The following ARL6 variants were observed in gnomAD, a reference collection of about 807,000 sequenced individuals.
ARL6 encodes the protein ARF like GTPase 6.
In ARL6, 18 loss-of-function variants were observed where a neutral mutation model predicts 27.1. That is an observed-to-expected ratio of 0.66 (90% CI 0.46 to 0.98). ARL6 has a LOEUF of 0.98. Ranked by LOEUF, ARL6 falls within the 50% of genes least tolerant of loss-of-function variation. The pLI is 0.00. For synonymous variants in ARL6, 65 were observed against 72.3 expected, an observed-to-expected ratio of 0.90 and a Z score of 0.51; for missense variants, 187 against 214.9, an observed-to-expected ratio of 0.87 and a Z score of 0.81.
chr3:97,765,211 G>GGGGT (rs373304649), intron 1 of ARL6, among the ~76,000 whole-genome samples: 392 of 105,606 alleles, frequency 3.7e-3, no homozygotes, highest in Middle Eastern at 0.015. Context: ...GTGTATTGGG[G>GGGGT]GTGTGTGTGT....
chr3:97,786,131 A>C (rs2037446689), intron 5 of ARL6, among the ~76,000 whole-genome samples: 2 of 152,086 alleles, frequency 1.3e-5, no homozygotes, highest in South Asian at 2.1e-4. Context: ...CGGGTGGATC[A>C]CTTGAGGTCA....
At chr3:97,784,077 G>A (rs1306806254) in intron 4 of ARL6, among the ~76,000 whole-genome samples, 3 of 151,806 alleles carry the variant, frequency 2.0e-5, no homozygotes, top group Admixed American at 6.6e-5. Context: ...TAAAAGAAAG[G>A]TATGTAGGAG....
chr3:97,794,723 G>T (rs1030787056), intron 7 of ARL6, among the ~76,000 whole-genome samples: 3 of 152,082 alleles, frequency 2.0e-5, no homozygotes, highest in Non-Finnish European at 4.4e-5. Context: ...CAGAATTCTG[G>T]AATTTCCTAG....
chr3:97,788,258 T>G (rs2037556277), intron 6 of ARL6, 139 bp downstream of exon 6: 1 of 962,372 alleles, frequency 1.0e-6, no homozygotes, highest in Non-Finnish European at 1.5e-6. Flanking sequence ...TTTGTAGAAT[T>G]GTGGCATTGT....
chr3:97,781,262 T>A (rs2037184376), intron 4 of ARL6, among the ~76,000 whole-genome samples: 1 of 150,172 alleles, frequency 6.7e-6, no homozygotes, highest in East Asian at 2.0e-4. Flanking sequence ...CATTGTTCTA[T>A]GAATAATTTG....
chr3:97,770,267 A>G (rs2036578140), intron 2 of ARL6, among the ~76,000 whole-genome samples: 1 of 152,024 alleles, frequency 6.6e-6, no homozygotes, highest in Non-Finnish European at 1.5e-5. Context: ...AGTTTGATAT[A>G]TATTTTCCTG....
At chr3:97,778,097 TAGC>T (rs2036997590) in intron 2 of ARL6, among the ~76,000 whole-genome samples, 1 of 152,124 alleles carries the variant, frequency 6.6e-6, no homozygotes, top group Non-Finnish European at 1.5e-5. Flanking sequence ...CTCATAGTAG[TAGC>T]TGATGATTTT....
intron 7 of ARL6, among the ~76,000 whole-genome samples, chr3:97,795,081 A>T (rs954460662): frequency 6.6e-6 from 1 of 152,196 alleles, no homozygotes; most frequent in African/African-American, 2.4e-5. Context: ...TCTCAAAAAA[A>T]TTTAAAAATA....
chr3:97,779,430 C>A (rs1213229588), intron 2 of ARL6, among the ~76,000 whole-genome samples: 1 of 152,060 alleles, frequency 6.6e-6, no homozygotes, highest in Non-Finnish European at 1.5e-5. Context: ...TGCCTCCCAC[C>A]CCCAAAACAT....
chr3:97,798,018 T>G lies in ARL6; in HGVS notation c.536-6T>G, dbSNP rs1351676004. 6.2e-7 allele frequency: 1 copy of G among 1,612,902 alleles called. No homozygotes were observed. Among genetic ancestry groups the G allele is most frequent in the African/African-American group, 1.3e-5 (1 of 75,012 alleles). Reference sequence around the variant, plus strand: ...TTGATAATTTTTGTTTGTTTTTTGTTATCAGATCAGATCCAGACTGTGAAG... The same window carrying G: ...TTGATAATTTTTGTTTGTTTTTTGTGATCAGATCAGATCCAGACTGTGAAG... On this transcript the variant is annotated splice_region_variant and splice_polypyrimidine_tract_variant and intron_variant, in intron 7 of 7. Coordinates refer to ENST00000463745, the MANE Select transcript of ARL6 (RefSeq NM_001278293.3).
intron 2 of ARL6, among the ~76,000 whole-genome samples, chr3:97,771,137 T>C (rs2036618309): frequency 6.6e-6 from 1 of 152,080 alleles, no homozygotes; most frequent in African/African-American, 2.4e-5. Context: ...GATAATTCTT[T>C]TAATCCATGA....
At chr3:97,774,255 G>A (rs1389535992) in intron 2 of ARL6, among the ~76,000 whole-genome samples, 2 of 152,144 alleles carry the variant, frequency 1.3e-5, no homozygotes, top group Non-Finnish European at 2.9e-5. Flanking sequence ...ACCACCTCAT[G>A]GATCACACTC....
chr3:97,786,832 T>A (rs2037481232), intron 5 of ARL6, among the ~76,000 whole-genome samples: 1 of 152,172 alleles, frequency 6.6e-6, no homozygotes, highest in Non-Finnish European at 1.5e-5. Context: ...AATTTAAACA[T>A]CTTTTGAATA....
rs146978266 is a variant in ARL6 at position 97,791,784 on chromosome 3, A to G, written c.493A>G (p.Ile165Val). 5.3e-5 allele frequency: 85 copies of G among 1,613,674 alleles called. No homozygotes were observed. In the African/African-American group the frequency reaches 1.0e-3, roughly 19 times the overall value. Residue 165 changes from isoleucine to valine, a missense_variant, in exon 7 of 8, where the codon ATA becomes GTA. By Grantham distance (29) the Ile-to-Val change is conservative. Coordinates refer to ENST00000463745, the MANE Select transcript of ARL6 (RefSeq NM_001278293.3). ...ATTTCATTTCAGTGCTAGTGATGCC[A>G]TAAAAGGAGAAGGCTTGCAAGAAGG... ...KPWHICASDA[I>V]KGEGLQEGVD...
At chr3:97,783,207 C>T (rs2037284001) in intron 4 of ARL6, among the ~76,000 whole-genome samples, 1 of 151,424 alleles carries the variant, frequency 6.6e-6, no homozygotes, top group Non-Finnish European at 1.5e-5. Flanking sequence ...CATAAATTCA[C>T]CATTGTCAAT....
chr3:97,798,815 T>G lies in ARL6; in HGVS notation c.*766T>G, dbSNP rs938786999. On this transcript the variant is annotated 3_prime_UTR_variant, in exon 8 of 8. Coordinates refer to ENST00000463745, the MANE Select transcript of ARL6 (RefSeq NM_001278293.3). Reference sequence around the variant, plus strand: ...TAGTATCTAATTTTATTTCATTGGCTGAATGAAAATATTGCATCTTCAGAT... The same window carrying G: ...TAGTATCTAATTTTATTTCATTGGCGGAATGAAAATATTGCATCTTCAGAT... 16 of 152,090 alleles carry G rather than the reference T, an allele frequency of 1.1e-4. No homozygotes were observed. Among genetic ancestry groups the G allele is most frequent in the African/African-American group, 3.6e-4 (15 of 41,464 alleles). The allele number at this position is 152,090 out of a possible 1,614,324, so 9.4% of individuals were successfully genotyped here.
intron 2 of ARL6, among the ~76,000 whole-genome samples, chr3:97,777,493 T>C (rs769830532): frequency 2.0e-5 from 3 of 152,174 alleles, no homozygotes; most frequent in Non-Finnish European, 2.9e-5. Context: ...ACTATGTAAA[T>C]AGTGTTTATT....
At chr3:97,797,239 T>C (rs1395808875) in intron 7 of ARL6, among the ~76,000 whole-genome samples, 1 of 152,172 alleles carries the variant, frequency 6.6e-6, no homozygotes, top group Non-Finnish European at 1.5e-5. Flanking sequence ...GACTGTGTAA[T>C]GTACTTCATA....
intron 6 of ARL6, among the ~76,000 whole-genome samples, chr3:97,790,051 TTG>T (rs3058067): frequency 0.1 from 14,031 of 136,880 alleles, 681 homozygotes; most frequent in African/African-American, 0.11. Context: ...GGCATCATGA[TTG>T]TGTGTGTGTG....
Sources: allele counts gnomAD v4.1 joint callset (sites outside exome capture counted in the v4.1 genomes callset), GRCh38; gene constraint gnomAD v4.1.1; transcripts MANE v1.5; gene names NCBI Gene and HGNC (gene_info 2026-07-23, HGNC 2026-07-21).